The following LDB3 variants were observed in gnomAD, a reference collection of about 807,000 sequenced individuals.
The protein encoded by LDB3 is LIM domain-binding protein 3.
In LDB3, 49 loss-of-function variants were observed where a neutral mutation model predicts 69.0. That is an observed-to-expected ratio of 0.71 (90% CI 0.56 to 0.90). The LOEUF (loss-of-function observed/expected upper bound fraction) is 0.90, where lower values mean the gene tolerates loss of function less well. Ranked by LOEUF, LDB3 falls within the 40% of genes least tolerant of loss-of-function variation. The pLI is 0.00. For missense variants in LDB3, 928 were observed against 974.1 expected (o/e 0.95, Z 0.63); for synonymous variants, 387 against 396.2 (o/e 0.98, Z 0.28).
intron 8 of LDB3, among the ~76,000 whole-genome samples, chr10:86,708,351 G>A (rs565438510): frequency 6.6e-6 from 1 of 152,198 alleles, no homozygotes; most frequent in East Asian, 1.9e-4. Flanking sequence ...AGCGGGAGGT[G>A]GGGGAGCCCA....
At chr10:86,708,743 C>A (rs565652526) in intron 8 of LDB3, among the ~76,000 whole-genome samples, 1 of 152,326 alleles carries the variant, frequency 6.6e-6, no homozygotes, top group African/African-American at 2.4e-5. Context: ...GTCTGGGATG[C>A]CAGCTCCCTG....
intron 9 of LDB3, among the ~76,000 whole-genome samples, chr10:86,712,378 G>A (rs1846702029): frequency 6.6e-6 from 1 of 152,212 alleles, no homozygotes. Context: ...GCTGGAGGGA[G>A]GCAGGAAAGG....
chr10:86,681,362 C>A (rs938815379), intron 4 of LDB3, 74 bp from the exon 5 acceptor site: 1 of 1,589,028 alleles, frequency 6.3e-7, no homozygotes, highest in South Asian at 1.1e-5. Flanking sequence ...TTCAGGTCCA[C>A]GCAGGAGCGC....
chr10:86,686,775 C>T (rs1180826144), intron 5 of LDB3, among the ~76,000 whole-genome samples: 6 of 148,888 alleles, frequency 4.0e-5, no homozygotes, highest in Non-Finnish European at 8.9e-5. Context: ...CCACTGCACT[C>T]CACCATGGGC....
chr10:86,670,055 G>C (rs1844375279), intron 2 of LDB3, among the ~76,000 whole-genome samples: 1 of 152,122 alleles, frequency 6.6e-6, no homozygotes, highest in African/African-American at 2.4e-5. Context: ...GGGTACTTGA[G>C]GGGACCCCAG....
intron 8 of LDB3, among the ~76,000 whole-genome samples, chr10:86,708,432 C>T (rs1212026975): frequency 6.6e-6 from 1 of 152,210 alleles, no homozygotes; most frequent in Admixed American, 6.5e-5. Context: ...TGCCATAAGC[C>T]TCTGCTCCCT....
At chr10:86,669,492 G>T (rs570678253) in intron 2 of LDB3, among the ~76,000 whole-genome samples, 19 of 152,372 alleles carry the variant, frequency 1.2e-4, no homozygotes, top group African/African-American at 4.1e-4. Context: ...AACATCAGGG[G>T]TTGTCTGAGT....
In LDB3 at chr10:86,706,543, G is replaced by A. The variant is rs1476832174; in HGVS notation, c.909G>A (p.Glu303=). Residue 303 remains glutamate (E), a synonymous_variant, in exon 8 of 14, where the codon GAG becomes GAA. Transcript: ENST00000361373. ...EALRRSSTPI[E]HAPVCTSQAT... is the part of the protein sequence containing the mutation. ...CCCGCCTCATCAGCACCCCTATTGA[G>A]CATGCGCCGGTGTGCACCAGCCAGG... 6.2e-7 allele frequency: 1 copy of A among 1,612,528 alleles called. No homozygotes were observed. The highest frequency in any genetic ancestry group is 1.3e-5 in the African/African-American group (1 of 74,924).
chr10:86,716,956 A>G (rs1004628237), intron 10 of LDB3, among the ~76,000 whole-genome samples, 185 bp downstream of exon 10: 1 of 152,108 alleles, frequency 6.6e-6, no homozygotes, highest in Non-Finnish European at 1.5e-5. Context: ...TACCTGTGTG[A>G]CACCCACTCT....
intron 9 of LDB3, among the ~76,000 whole-genome samples, chr10:86,715,678 C>T (rs1846841689): frequency 6.6e-6 from 1 of 152,078 alleles, no homozygotes; most frequent in Non-Finnish European, 1.5e-5. Context: ...GCTGTGTCAC[C>T]CTAGAGTCTC....
rs1847563296 is a variant in LDB3 at position 86,734,409 on chromosome 10, A to AGG, written c.*1433_*1434insGG. 1 of 152,214 alleles carries AGG rather than the reference A, an allele frequency of 6.6e-6. No individual in the cohort carries two copies. The allele number at this position is 152,214 out of a possible 1,614,324, so 9.4% of individuals were successfully genotyped here. A position where few individuals can be genotyped will look rare whatever the true frequency, so the allele number is the denominator to read the frequency against. ...GCTTCCCTTTTTAGGAAGCCCTGTTAATATGCTCATTGAAAACATGGCATT... is the reference window on the plus strand; with the variant it reads ...GCTTCCCTTTTTAGGAAGCCCTGTTAGGATATGCTCATTGAAAACATGGCATT... On this transcript the variant is annotated 3_prime_UTR_variant, in exon 14 of 14. Transcript: ENST00000361373.
rs1564653772 is a variant in LDB3 at position 86,709,987 on chromosome 10, GC to G, written c.1172del (p.Pro391LeufsTer101). ...THTSYSEGPAAPAPKPRVVTT... is the reference protein window; with the variant it reads ...THTSYSEGPAXPAPKPRVVTT... ...CACCAGCTACAGTGAGGGCCCCGCC[GC>G]CCCTGCACCCAAGCCCCGGGTTGTC... is the stretch of plus-strand genomic sequence containing the variant. On this transcript the variant is annotated frameshift_variant, in exon 9 of 14. Transcript: ENST00000361373. LOFTEE classifies it high-confidence loss of function. The G allele has an allele frequency of 6.2e-7, 1 of 1,613,118 alleles. No individual in the cohort carries two copies. The highest frequency in any genetic ancestry group is 8.5e-7 in the Non-Finnish European group (1 of 1,179,982).
intron 2 of LDB3, 79 bp from the exon 3 acceptor site, chr10:86,679,288 G>T: frequency 6.4e-7 from 1 of 1,551,192 alleles, no homozygotes; most frequent in Non-Finnish European, 8.9e-7. Flanking sequence ...AATACTCCCG[G>T]GTGACTCTTC....
At chr10:86,701,038 A>G (rs1313190690) in intron 7 of LDB3, among the ~76,000 whole-genome samples, 3 of 152,084 alleles carry the variant, frequency 2.0e-5, no homozygotes, top group African/African-American at 7.2e-5. Flanking sequence ...CCCACCAGGA[A>G]GCGTTGGTGT....
chr10:86,720,868 T>C (rs1847059473), intron 12 of LDB3, among the ~76,000 whole-genome samples: 1 of 152,152 alleles, frequency 6.6e-6, no homozygotes, highest in African/African-American at 2.4e-5. Context: ...GAGAAGACAG[T>C]GAGGAAGCAG....
rs369738615 is a variant in LDB3 at position 86,696,251 on chromosome 10, A to G, written c.896+3680A>G. 2.5e-3 allele frequency among the ~76,000 whole-genome samples: 380 copies of G among 151,934 alleles called. 1 individual carries two copies. Among genetic ancestry groups the G allele is most frequent in the Non-Finnish European group, 3.7e-3 (254 of 67,966 alleles). ...ACCTCGCTTACACGCCGCACAGCAT[A>G]GGGCCCTCCTGCCAATGGGTGCCCC... is the stretch of plus-strand genomic sequence containing the variant. On this transcript the variant is annotated intron_variant, in intron 7 of 13. Coordinates refer to ENST00000361373, the MANE Select transcript of LDB3 (RefSeq NM_007078.3).
intron 8 of LDB3, 131 bp from the exon 9 acceptor site, chr10:86,709,774 C>A (rs1846569749): frequency 1.0e-6 from 1 of 971,958 alleles, no homozygotes; most frequent in Non-Finnish European, 1.6e-6. Context: ...CAGTTTCTGG[C>A]AGTTCCCCAG....
At chr10:86,723,021 C>A (rs1196916416) in intron 12 of LDB3, among the ~76,000 whole-genome samples, 4 of 151,802 alleles carry the variant, frequency 2.6e-5, no homozygotes, top group Middle Eastern at 3.4e-3. Context: ...AATCATAGTA[C>A]TTTAGGAGGC....
rs112449436 is a variant in LDB3, at chr10:86,678,379, A to G, written c.94-988A>G. Among the ~76,000 whole-genome samples, 8 of 128,032 alleles carry G rather than the reference A, an allele frequency of 6.2e-5. 1 individual carries two copies. Among genetic ancestry groups the G allele is most frequent in the African/African-American group, 2.1e-4 (7 of 32,996 alleles). 84.0% of individuals were successfully genotyped at this position (128,032 alleles called of 152,430 possible). A position where few individuals can be genotyped will look rare whatever the true frequency, so the allele number is the denominator to read the frequency against. ...TTTTAAGACCGAGTCTCCCTCTGTC[A>G]CCCAGGCTGGAGTGCAGTGGTGCAA... On this transcript the variant is annotated intron_variant, in intron 2 of 13. Transcript: ENST00000361373.
Sources: allele counts gnomAD v4.1 joint callset (sites outside exome capture counted in the v4.1 genomes callset), GRCh38; gene constraint gnomAD v4.1.1; transcripts MANE v1.5; gene names NCBI Gene and HGNC (gene_info 2026-07-23, HGNC 2026-07-21).